Variants in KLHDC7B observed in about 807,000 individuals in gnomAD.
The protein encoded by KLHDC7B is kelch domain containing 7B.
KLHDC7B carries 1 observed loss-of-function variant against 0.6 expected under a neutral mutation model. That is an observed-to-expected ratio of 1.71 (90% CI 0.61 to 8.11). The LOEUF (loss-of-function observed/expected upper bound fraction) is 8.11. Ranked by LOEUF, KLHDC7B falls within the 30% of genes most tolerant of loss-of-function variation. The pLI is 0.13. For synonymous variants in KLHDC7B, 462 were observed against 405.2 expected (o/e 1.14, Z -1.68); for missense variants, 993 against 894.9 (o/e 1.11, Z -1.40).
Position 50,549,052 on chromosome 22 carries a change from C to A in KLHDC7B, c.2809C>A (p.Arg937Ser). Residue 937 changes from arginine to serine, a missense_variant, in exon 1 of 1, where the codon CGC (arginine) becomes AGC (serine). By Grantham distance (110) the Arg-to-Ser change is moderately radical. Coordinates refer to ENST00000648057, the MANE Select transcript of KLHDC7B (RefSeq NM_138433.5). ...LVLPSLYQGGRSGLPRGPRGE... is the reference protein window; with the variant it reads ...LVLPSLYQGGSSGLPRGPRGE... ...ACTGCCCAGCCTCTACCAGGGGGGC[C>A]GCTCAGGGCTCCCCAGGGGCCCTCG... 1 of 1,597,028 alleles carries A rather than the reference C, an allele frequency of 6.3e-7. No individual in the cohort carries two copies. Among genetic ancestry groups the A allele is most frequent in the African/African-American group, 1.3e-5 (1 of 74,880 alleles).
rs767923639 is a variant in KLHDC7B at position 50,549,349 on chromosome 22, C to T, written c.1183C>T (p.Arg395Ter). 24 of 1,612,872 alleles carry T rather than the reference C, an allele frequency of 1.5e-5. No homozygotes were observed. The highest frequency in any genetic ancestry group is 1.4e-4 in the South Asian group (13 of 91,080). Reference sequence around the variant, plus strand: ...CCAGGTTCGGCCCATGCAGCAGGCCCGAGCCCAGCTCAAGCTGGTGGCCCT... The same window carrying T: ...CCAGGTTCGGCCCATGCAGCAGGCCTGAGCCCAGCTCAAGCTGGTGGCCCT... Residue 395 changes from arginine (R) to a stop codon, truncating the protein, a stop_gained, in exon 1 of 1, where the codon CGA becomes TGA. Coordinates refer to the KLHDC7B transcript ENST00000395676. LOFTEE classifies it low-confidence loss of function (END_TRUNC).
In KLHDC7B at chr22:50,547,645, T is replaced by C. The variant is rs1243740639; in HGVS notation, c.1402T>C (p.Ser468Pro). Residue 468 changes from serine to proline, a missense_variant, in exon 1 of 1, where the codon TCA becomes CCA. Physicochemically the swap from Ser to Pro is moderately conservative, Grantham distance 74. Coordinates refer to ENST00000648057, the MANE Select transcript of KLHDC7B (RefSeq NM_138433.5). ...LRAAPAPSSASAQVLTSAPAS... is the reference protein window; with the variant it reads ...LRAAPAPSSAPAQVLTSAPAS... Reference sequence around the variant, plus strand: ...AGCGGCGCCAGCCCCAAGTTCAGCCTCAGCCCAAGTCTTAACTTCAGCTCC... The same window carrying C: ...AGCGGCGCCAGCCCCAAGTTCAGCCCCAGCCCAAGTCTTAACTTCAGCTCC... 2.5e-6 allele frequency: 1 copy of C among 404,670 alleles called. No individual in the cohort carries two copies. The allele number at this position is 404,670 out of a possible 1,614,324, so 25.1% of individuals were successfully genotyped here.
At position 50,546,362 on chromosome 22, in the gene KLHDC7B, C is replaced by T. The variant is rs187625614; in HGVS notation, c.119C>T (p.Ala40Val). 1.5e-5 allele frequency: 6 copies of T among 399,410 alleles called. No homozygotes were observed. Among genetic ancestry groups the T allele is most frequent in the African/African-American group, 8.2e-5 (4 of 48,658 alleles). The allele number at this position is 399,410 out of a possible 1,614,324, so 24.7% of individuals were successfully genotyped here. ...LLALAVVAAT[A>V]LALHWFGSGH... ...GCGCTGGCTGTGGTGGCTGCCACAG[C>T]GCTGGCCTTACACTGGTTTGGCTCC... The change falls in exon 1 of 1, where the codon GCG becomes GTG. Residue 40 changes from alanine to valine, a missense_variant. Coordinates refer to ENST00000648057, the MANE Select transcript of KLHDC7B (RefSeq NM_138433.5).
rs2069778479 is a variant in KLHDC7B, at chr22:50,549,441, A to C, written c.3198A>C (p.Thr1066=). Reference sequence around the variant, plus strand: ...GCATGGAGTGCTACGACCCGCGAACAGACGCCTGGACCCCACGCGCGCCAC... The same window carrying C: ...GCATGGAGTGCTACGACCCGCGAACCGACGCCTGGACCCCACGCGCGCCAC... ...LYSMECYDPR[T]DAWTPRAPLP... is the part of the protein sequence containing the mutation. Residue 1066 remains threonine, a synonymous_variant, in exon 1 of 1, where the codon ACA becomes ACC. Coordinates refer to ENST00000648057, the MANE Select transcript of KLHDC7B (RefSeq NM_138433.5). 3 of 1,612,564 alleles carry C rather than the reference A, an allele frequency of 1.9e-6. No individual in the cohort carries two copies.
chr22:50,548,784 G>A lies in KLHDC7B; in HGVS notation c.2541G>A (p.Leu847=), dbSNP rs1193995067. 5 of 1,456,800 alleles carry A rather than the reference G, an allele frequency of 3.4e-6. No homozygotes were observed. Among genetic ancestry groups the A allele is most frequent in the Non-Finnish European group, 4.5e-6 (5 of 1,110,252 alleles). The allele number at this position is 1,456,800 out of a possible 1,614,324, so 90.2% of individuals were successfully genotyped here. ...EGPRKPSSRA[L]EPATAAALRR... ...CCCGGAAGCCCAGCTCCCGGGCCCT[G>A]GAGCCCGCCACGGCGGCAGCCCTGC... The change falls in exon 1 of 1, where the codon CTG becomes CTA. Residue 847 remains leucine (L), a synonymous_variant. Transcript: ENST00000648057. The surrounding 1 kb of genome is among the most constrained non-coding windows in gnomAD (Gnocchi z 5.3).
rs2069730045 is a variant in KLHDC7B at position 50,546,519 on chromosome 22, G to T, written c.276G>T (p.Gly92=). ...VSDGSEGQSP[G]QGKPEPPGRG... The stretch of plus-strand genomic sequence containing the variant: ...ATGGCAGCGAGGGGCAGAGCCCAGG[G>T]CAGGGGAAACCAGAGCCCCCAGGAC... Residue 92 remains glycine, a synonymous_variant, in exon 1 of 1, where the codon GGG becomes GGT. Coordinates refer to ENST00000648057, the MANE Select transcript of KLHDC7B (RefSeq NM_138433.5). The T allele has an allele frequency of 2.5e-6, 1 of 399,076 alleles. No individual in the cohort carries two copies. Among genetic ancestry groups the T allele is most frequent in the African/African-American group, 2.1e-5 (1 of 48,766 alleles). The allele number at this position is 399,076 out of a possible 1,614,324, so 24.7% of individuals were successfully genotyped here.
In KLHDC7B at chr22:50,548,968, C is replaced by A. The variant is rs754839751; in HGVS notation, c.2725C>A (p.Arg909Ser). 2 of 1,598,036 alleles carry A rather than the reference C, an allele frequency of 1.3e-6. No individual in the cohort carries two copies. Among genetic ancestry groups the A allele is most frequent in the African/African-American group, 1.3e-5 (1 of 74,682 alleles). ...CTACCGCCGGCTGAGCGCGGCCGAC[C>A]GCGAGCGCATCCTCAGCCTGCGGAC... Reference protein sequence around the residue: ...CLYRRLSAADRERILSLRTGR... With the variant: ...CLYRRLSAADSERILSLRTGR... Residue 909 changes from arginine (R) to serine (S), a missense_variant, in exon 1 of 1, where the codon CGC becomes AGC. Transcript: ENST00000648057. The surrounding 1 kb of genome is among the most constrained non-coding windows in gnomAD (Gnocchi z 5.3).
In KLHDC7B at chr22:50,549,682, G is replaced by A. The variant is rs1171046747; in HGVS notation, c.3439G>A (p.Ala1147Thr). ...CTTCGACCTGCTGCGGGGCGTGGGCGCCGCCGTGATGCGCTACAACACAGT... is the reference window on the plus strand; with the variant it reads ...CTTCGACCTGCTGCGGGGCGTGGGCACCGCCGTGATGCGCTACAACACAGT... The part of the protein sequence containing the change: ...YRFDLLRGVG[A>T]AVMRYNTVTG... The change falls in exon 1 of 1, where the codon GCC (alanine) becomes ACC (threonine). Residue 1147 changes from alanine to threonine, a missense_variant. By Grantham distance (58) the Ala-to-Thr change is moderately conservative (BLOSUM62 0). Coordinates refer to ENST00000648057, the MANE Select transcript of KLHDC7B (RefSeq NM_138433.5). 10 of 1,555,160 alleles carry A rather than the reference G, an allele frequency of 6.4e-6. No individual in the cohort carries two copies. Among genetic ancestry groups the A allele is most frequent in the South Asian group, 4.9e-5 (4 of 82,396 alleles).
chr22:50,549,745 C>A lies in KLHDC7B; in HGVS notation c.3502C>A (p.Pro1168Thr), dbSNP rs145813502. The A allele has an allele frequency of 4.6e-6, 5 of 1,084,860 alleles. No homozygotes were observed. Among genetic ancestry groups the A allele is most frequent in the Admixed American group, 2.1e-5 (1 of 47,864 alleles). 67.2% of individuals were successfully genotyped at this position (1,084,860 alleles called of 1,614,324 possible). A position where few individuals can be genotyped will look rare whatever the true frequency, so the allele number is the denominator to read the frequency against. Reference sequence around the variant, plus strand: ...GAGCAGGGCTGCCTCCCTGCCCCTGCCCGCCCCCGCCCCACTGCACTGCAC... The same window carrying A: ...GAGCAGGGCTGCCTCCCTGCCCCTGACCGCCCCCGCCCCACTGCACTGCAC... ...SWSRAASLPLPAPAPLHCTTL... is the reference protein window; with the variant it reads ...SWSRAASLPLTAPAPLHCTTL... The change falls in exon 1 of 1, where the codon CCC becomes ACC. Residue 1168 changes from proline to threonine, a missense_variant. Coordinates refer to ENST00000648057, the MANE Select transcript of KLHDC7B (RefSeq NM_138433.5).
At position 50,548,799 on chromosome 22, in the gene KLHDC7B, G is replaced by C. The variant is rs769369285; in HGVS notation, c.2556G>C (p.Ala852=). 4.1e-6 allele frequency: 6 copies of C among 1,469,070 alleles called. No individual in the cohort carries two copies. The South Asian group carries it at 4.1e-5, about 10-fold the overall frequency. The allele number at this position is 1,469,070 out of a possible 1,614,324, so 91.0% of individuals were successfully genotyped here. ...CCCGGGCCCTGGAGCCCGCCACGGCGGCAGCCCTGCGGCGGCGGCTGGACC... is the reference window on the plus strand; with the variant it reads ...CCCGGGCCCTGGAGCCCGCCACGGCCGCAGCCCTGCGGCGGCGGCTGGACC... ...PSSRALEPAT[A]AALRRRLDLG... is the part of the protein sequence containing the mutation. Residue 852 remains alanine, a synonymous_variant, in exon 1 of 1, where the codon GCG becomes GCC. Transcript: ENST00000648057. The surrounding 1 kb of genome is among the most constrained non-coding windows in gnomAD (Gnocchi z 5.3).
rs138547521 is a variant in KLHDC7B, at chr22:50,547,071, C to T, written c.828C>T (p.Leu276=). Residue 276 remains leucine, a synonymous_variant, in exon 1 of 1, where the codon CTC becomes CTT. Coordinates refer to ENST00000648057, the MANE Select transcript of KLHDC7B (RefSeq NM_138433.5). ...AAALDAHARG[L]PTGPPLAQEP... is the part of the protein sequence containing the mutation. Reference sequence around the variant, plus strand: ...CCCTGGACGCCCACGCGCGCGGCCTCCCCACAGGACCCCCACTCGCCCAGG... The same window carrying T: ...CCCTGGACGCCCACGCGCGCGGCCTTCCCACAGGACCCCCACTCGCCCAGG... Among the ~76,000 whole-genome samples the T allele has an allele frequency of 0.012, 1,801 of 151,898 alleles. 18 individuals carry two copies. Among genetic ancestry groups the T allele is most frequent in the Non-Finnish European group, 0.015 (1,021 of 67,874 alleles).
At chr22:50,546,682 GC>G (rs2069732395), upstream of KLHDC7B, among the ~76,000 whole-genome samples, 2 of 152,074 alleles carry the variant, frequency 1.3e-5, no homozygotes, top group African/African-American at 4.8e-5. Flanking sequence ...CACCCCCGCG[GC>G]CCCCCGAGCG....
At position 50,548,213 on chromosome 22, in the gene KLHDC7B, G is replaced by A. The variant is rs942864702; in HGVS notation, c.1970G>A (p.Gly657Glu). 4.5e-6 allele frequency: 7 copies of A among 1,548,308 alleles called. No individual in the cohort carries two copies. In the Admixed American group the frequency reaches 1.4e-4, roughly 30 times the overall value. Residue 657 changes from glycine to glutamate, a missense_variant, in exon 1 of 1, where the codon GGG (glycine) becomes GAG (glutamate). Coordinates refer to ENST00000648057, the MANE Select transcript of KLHDC7B (RefSeq NM_138433.5). The surrounding 1 kb of genome is among the most constrained non-coding windows in gnomAD (Gnocchi z 5.3). ...HPFPRQDRPQGSVPRAVPGSP... is the reference protein window; with the variant it reads ...HPFPRQDRPQESVPRAVPGSP... ...TTCCCCAGGCAAGACAGGCCCCAAG[G>A]GAGTGTCCCGAGGGCGGTTCCCGGG...
Position 50,545,972 on chromosome 22 carries a change from A to G in KLHDC7B, c.-272A>G, listed in dbSNP as rs2069724746. 7.7e-6 allele frequency among the ~76,000 whole-genome samples: 1 copy of G among 130,002 alleles called. No individual in the cohort carries two copies. Among genetic ancestry groups the G allele is most frequent in the Non-Finnish European group, 1.8e-5 (1 of 57,126 alleles). The allele number at this position is 130,002 out of a possible 152,430, so 85.3% of individuals were successfully genotyped here. ...GAGGACCCTGGGGCCTACGAGGAGG[A>G]GAAGAGGGCAGGAGCTGGTGGGGTG... On this transcript the variant is annotated 5_prime_UTR_variant, in exon 1 of 1. Transcript: ENST00000648057.
rs2148696499 is a variant in KLHDC7B at position 50,550,029 on chromosome 22, C to T, written c.*78C>T. On this transcript the variant is annotated 3_prime_UTR_variant, in exon 1 of 1. Transcript: ENST00000648057. ...GGGATGGGCCTGAGAGGCCGGGGCT[C>T]AGGGAAGGGGCTGGGATCGGAACTT... The T allele has an allele frequency of 7.3e-7, 1 of 1,375,660 alleles. No homozygotes were observed. Among genetic ancestry groups the T allele is most frequent in the Non-Finnish European group, 9.7e-7 (1 of 1,035,078 alleles). 85.2% of individuals were successfully genotyped at this position (1,375,660 alleles called of 1,614,324 possible). A position where few individuals can be genotyped will look rare whatever the true frequency, so the allele number is the denominator to read the frequency against.
Position 50,549,483 on chromosome 22 carries a change from C to G in KLHDC7B, c.3240C>G (p.Phe1080Leu). 6.2e-7 allele frequency: 1 copy of G among 1,612,570 alleles called. No homozygotes were observed. The highest frequency in any genetic ancestry group is 2.2e-5 in the East Asian group (1 of 44,870). Residue 1080 changes from phenylalanine (F) to leucine (L), a missense_variant, in exon 1 of 1, where the codon TTC becomes TTG. Phe to Leu is a conservative substitution (Grantham distance 22, BLOSUM62 0). Transcript: ENST00000648057. ...TPRAPLPAGT[F>L]PVAHEAVACR... is the part of the protein sequence containing the mutation. ...GCGCGCCACTCCCCGCAGGCACCTT[C>G]CCTGTGGCCCACGAGGCTGTGGCCT...
chr22:50,548,102 G>A lies in KLHDC7B; in HGVS notation c.1859G>A (p.Ser620Asn), dbSNP rs2069754491. The A allele has an allele frequency of 1.4e-6, 2 of 1,441,640 alleles. No homozygotes were observed. The highest frequency in any genetic ancestry group is 1.4e-5 in the African/African-American group (1 of 69,888). The allele number at this position is 1,441,640 out of a possible 1,614,324, so 89.3% of individuals were successfully genotyped here. A position where few individuals can be genotyped will look rare whatever the true frequency, so the allele number is the denominator to read the frequency against. ...APADGSKPQE[S>N]VALPRRYQEG... ...GCTGACGGGTCAAAGCCTCAGGAGA[G>A]TGTGGCTCTCCCCAGGCGCTACCAG... Residue 620 changes from serine (S) to asparagine (N), a missense_variant, in exon 1 of 1, where the codon AGT (serine) becomes AAT (asparagine). Physicochemically the swap from Ser to Asn is conservative, Grantham distance 46 (BLOSUM62 1). Transcript: ENST00000648057. This position sits in a 1 kb window ranked among gnomAD's most constrained non-coding sequence, Gnocchi z 5.3.
rs2069729669 is a variant in KLHDC7B at position 50,546,481 on chromosome 22, T to G, written c.238T>G (p.Ser80Ala). The G allele has an allele frequency of 5.0e-6, 2 of 399,020 alleles. No homozygotes were observed. Among genetic ancestry groups the G allele is most frequent in the Non-Finnish European group, 8.8e-6 (2 of 226,284 alleles). The allele number at this position is 399,020 out of a possible 1,614,324, so 24.7% of individuals were successfully genotyped here. The change falls in exon 1 of 1, where the codon TCT (serine) becomes GCT (alanine). Residue 80 changes from serine to alanine, a missense_variant. Transcript: ENST00000648057. The stretch of plus-strand genomic sequence containing the variant: ...AGCTGAGCTGGCCCTGCAACCGAAG[T>G]CTAAGGTCAGTGATGGCAGCGAGGG... Reference protein sequence around the residue: ...GGAELALQPKSKVSDGSEGQS... With the variant: ...GGAELALQPKAKVSDGSEGQS...
Position 50,547,821 on chromosome 22 carries a change from A to C in KLHDC7B, c.1578A>C (p.Ala526=), listed in dbSNP as rs2069748356. Among the ~76,000 whole-genome samples, 1 of 140,862 alleles carries C rather than the reference A, an allele frequency of 7.1e-6. No individual in the cohort carries two copies. Among genetic ancestry groups the C allele is most frequent in the Non-Finnish European group, 1.5e-5 (1 of 65,554 alleles). The allele number at this position is 140,862 out of a possible 152,430, so 92.4% of individuals were successfully genotyped here. A position where few individuals can be genotyped will look rare whatever the true frequency, so the allele number is the denominator to read the frequency against. ...STPAPAPSPA[A]AATPAPAPVP... ...CAGCCCCAGCCCCAAGTCCAGCTGC[A>C]GCCGCAACTCCAGCCCCAGCCCCAG... The change falls in exon 1 of 1, where the codon GCA becomes GCC. Residue 526 remains alanine, a synonymous_variant. Transcript: ENST00000648057.
Sources: gnomAD v4.1 joint callset for allele counts (sites outside exome capture counted in the v4.1 genomes callset) on GRCh38, gnomAD v4.1.1 for gene constraint, Gnocchi (gnomAD v3.1) non-coding constraint, MANE v1.5 for transcripts, NCBI Gene and HGNC (gene_info 2026-07-23, HGNC 2026-07-21) for gene names.